HS6ST1: variants seen among roughly 807,000 people sequenced by gnomAD.
HS6ST1 encodes heparan-sulfate 6-O-sulfotransferase 1.
In HS6ST1, 3 loss-of-function variants were observed where a neutral mutation model predicts 25.2. The ratio of observed to expected loss-of-function variants is 0.12; its 90% CI spans 0.05 to 0.31. The LOEUF (loss-of-function observed/expected upper bound fraction) is 0.31. Ranked by LOEUF, HS6ST1 falls within the 10% of genes least tolerant of loss-of-function variation. HS6ST1 has a pLI of 1.00. For missense variants in HS6ST1, 310 were observed against 609.6 expected (o/e 0.51, Z 5.18); for synonymous variants, 204 against 275.1 (o/e 0.74, Z 2.56).
At chr2:128,293,206 C>T (rs35473853) in intron 1 of HS6ST1, among the ~76,000 whole-genome samples, 12,210 of 152,322 alleles carry the variant, frequency 0.08, 686 homozygotes, top group South Asian at 0.13. Flanking sequence ...GGAAGGGCAC[C>T]GCTCCCAGGC....
intron 1 of HS6ST1, among the ~76,000 whole-genome samples, chr2:128,281,663 G>C (rs1243436237): frequency 6.6e-6 from 1 of 152,192 alleles, no homozygotes; most frequent in Non-Finnish European, 1.5e-5. Flanking sequence ...CCCTTCCAAA[G>C]GGAGGGAAAT....
intron 1 of HS6ST1, among the ~76,000 whole-genome samples, chr2:128,292,801 C>G (rs1475618755): frequency 2.0e-5 from 3 of 151,846 alleles, no homozygotes; most frequent in African/African-American, 7.3e-5. Context: ...ACAAGGGCAG[C>G]AGGAAGGGCA....
chr2:128,276,335 C>G (rs552486626), intron 1 of HS6ST1, among the ~76,000 whole-genome samples: 1 of 152,170 alleles, frequency 6.6e-6, no homozygotes, highest in Non-Finnish European at 1.5e-5. Context: ...GGGATTTCAC[C>G]ATGTTGGCCA....
intron 1 of HS6ST1, among the ~76,000 whole-genome samples, chr2:128,316,757 A>G (rs1694370644): frequency 6.6e-6 from 1 of 151,094 alleles, no homozygotes; most frequent in African/African-American, 2.5e-5. Flanking sequence ...AAGTGGGAAG[A>G]TGCCCCTCCA....
At chr2:128,287,662 G>A (rs1246989778) in intron 1 of HS6ST1, among the ~76,000 whole-genome samples, 3 of 152,346 alleles carry the variant, frequency 2.0e-5, no homozygotes, top group Non-Finnish European at 4.4e-5. Context: ...GAGAACAGGC[G>A]GATGGCTTTC....
chr2:128,279,258 C>A (rs1693742871), intron 1 of HS6ST1, among the ~76,000 whole-genome samples: 1 of 151,740 alleles, frequency 6.6e-6, no homozygotes, highest in Non-Finnish European at 1.5e-5. Context: ...AATTTTTATA[C>A]CAGTGCCAAC....
chr2:128,302,536 C>T (rs956959996), intron 1 of HS6ST1, among the ~76,000 whole-genome samples: 2 of 152,098 alleles, frequency 1.3e-5, no homozygotes, highest in African/African-American at 2.4e-5. Context: ...TCTCTTGGGG[C>T]CCAGGAATAG....
At chr2:128,310,560 T>G (rs1308036774) in intron 1 of HS6ST1, among the ~76,000 whole-genome samples, 2 of 150,788 alleles carry the variant, frequency 1.3e-5, no homozygotes, top group African/African-American at 4.9e-5. Flanking sequence ...TCCTGGATGG[T>G]TTTTGCTCCA....
intron 1 of HS6ST1, among the ~76,000 whole-genome samples, chr2:128,303,371 GGCTGAGGACAGCTCTATGTA>G (rs1337895505): frequency 1.3e-5 from 2 of 152,234 alleles, no homozygotes; most frequent in Non-Finnish European, 2.9e-5. Context: ...CCACCCTGAG[GGCTGAGGACAGCTCTATGTA>G]GTGCCTCTGT....
intron 1 of HS6ST1, among the ~76,000 whole-genome samples, chr2:128,295,217 C>A (rs184613508): frequency 6.6e-6 from 1 of 152,330 alleles, no homozygotes; most frequent in East Asian, 1.9e-4. Context: ...CTGGGCACAC[C>A]CATACTGGCT....
At chr2:128,293,246 C>A (rs1693987732) in intron 1 of HS6ST1, among the ~76,000 whole-genome samples, 1 of 152,274 alleles carries the variant, frequency 6.6e-6, no homozygotes, top group South Asian at 2.1e-4. Flanking sequence ...GGGCATGTCA[C>A]ACAATATGGC....
rs772331529 is a variant in HS6ST1 at position 128,292,476 on chromosome 2, CGG to C, written c.528-23608_528-23607del. Among the ~76,000 whole-genome samples, 93 of 152,310 alleles carry C rather than the reference CGG, an allele frequency of 6.1e-4. 2 individuals carry two copies. The highest frequency in any genetic ancestry group is 3.4e-3 in the Middle Eastern group (1 of 294). ...CTGGAGAAGACTGTGCTCCTCACCCCGGCGCTCTGGGACCTTGCTTCCCAGAA... is the reference window on the plus strand; with the variant it reads ...CTGGAGAAGACTGTGCTCCTCACCCCCGCTCTGGGACCTTGCTTCCCAGAA... On this transcript the variant is annotated intron_variant, in intron 1 of 1. Transcript: ENST00000259241.
At chr2:128,294,648 G>A (rs2104926702) in intron 1 of HS6ST1, among the ~76,000 whole-genome samples, 1 of 151,582 alleles carries the variant, frequency 6.6e-6, no homozygotes, top group East Asian at 1.9e-4. Flanking sequence ...GCAGTAAAGA[G>A]GCTCCACCGC....
intron 1 of HS6ST1, among the ~76,000 whole-genome samples, chr2:128,313,813 AG>A (rs1694324705): frequency 6.6e-6 from 1 of 152,120 alleles, no homozygotes; most frequent in Admixed American, 6.5e-5. Context: ...TGAAGTGCCT[AG>A]GACAGGAAGC....
chr2:128,278,160 G>A (rs906300031), intron 1 of HS6ST1, among the ~76,000 whole-genome samples: 2 of 152,256 alleles, frequency 1.3e-5, no homozygotes, highest in African/African-American at 4.8e-5. Flanking sequence ...GCAGGCACGA[G>A]CTGAGGCCAG....
intron 1 of HS6ST1, among the ~76,000 whole-genome samples, chr2:128,310,536 G>C (rs1694274731): frequency 6.6e-6 from 1 of 152,194 alleles, no homozygotes; most frequent in Non-Finnish European, 1.5e-5. Flanking sequence ...TGGTGGCATG[G>C]AGGGGGAGAG....
At chr2:128,278,604 G>A (rs1293414970) in intron 1 of HS6ST1, among the ~76,000 whole-genome samples, 1 of 152,212 alleles carries the variant, frequency 6.6e-6, no homozygotes, top group African/African-American at 2.4e-5. Context: ...TGGTCCTGCG[G>A]CTCACGGAGG....
chr2:128,268,413 C>T lies in HS6ST1; in HGVS notation c.985G>A (p.Val329Met), dbSNP rs771013218. Residue 329 changes from valine (V) to methionine (M), a missense_variant, in exon 2 of 2, where the codon GTG (valine) becomes ATG (methionine). Around this residue, in one of 5 missense-constraint regions of HS6ST1, gnomAD observed 140 missense variants for 176.5 expected, o/e 0.79. Coordinates refer to ENST00000259241, the MANE Select transcript of HS6ST1 (RefSeq NM_004807.3). ...YNSTRAGGVE[V>M]DEDTIRRIEE... ...ATGCGCCGGATGGTGTCTTCATCCA[C>T]CTCCACGCCGCCCGCCCGCGTGCTA... The T allele has an allele frequency of 5.0e-6, 8 of 1,613,654 alleles. No homozygotes were observed. Among genetic ancestry groups the T allele is most frequent in the Non-Finnish European group, 5.9e-6 (7 of 1,179,872 alleles).
intron 1 of HS6ST1, among the ~76,000 whole-genome samples, chr2:128,314,082 T>C (rs546542940): frequency 1.2e-4 from 19 of 152,310 alleles, no homozygotes; most frequent in African/African-American, 4.1e-4. Flanking sequence ...CCCCAGGTCC[T>C]GTTCATTGGC....
Sources: allele counts gnomAD v4.1 joint callset (sites outside exome capture counted in the v4.1 genomes callset), GRCh38; gene constraint gnomAD v4.1.1; regional missense constraint gnomAD v4.1.1; transcripts MANE v1.5; gene names NCBI Gene and HGNC (gene_info 2026-07-23, HGNC 2026-07-21).